SNAP91: variants seen among roughly 807,000 people sequenced by gnomAD.
SNAP91 encodes the protein synaptosome associated protein 91, also known as clathrin coat assembly protein AP180.
A neutral mutation model predicts 100.3 loss-of-function variants in SNAP91; 27 were observed. That is an observed-to-expected ratio of 0.27 (90% CI 0.20 to 0.37). The LOEUF (loss-of-function observed/expected upper bound fraction) is 0.37, where lower values mean the gene tolerates loss of function less well. Ranked by LOEUF, SNAP91 falls within the 10% of genes least tolerant of loss-of-function variation. The probability of loss-of-function intolerance (pLI) is 1.00; values close to 1 mark genes in which losing one functional copy is unlikely to be tolerated. For missense variants in SNAP91, 986 were observed against 1,123.7 expected (o/e 0.88, Z 1.75); for synonymous variants, 404 against 398.6 (o/e 1.01, Z -0.16).
chr6:83,561,864 T>C (rs1412863303), intron 26 of SNAP91, among the ~76,000 whole-genome samples: 1 of 152,080 alleles, frequency 6.6e-6, no homozygotes, highest in East Asian at 1.9e-4. Context: ...AAAATATTTT[T>C]TAGAAGTTAG....
intron 28 of SNAP91, among the ~76,000 whole-genome samples, chr6:83,557,870 C>G (rs1313052089): frequency 6.6e-6 from 1 of 151,538 alleles, no homozygotes; most frequent in East Asian, 1.9e-4. Context: ...GTCCAGGCAT[C>G]AGTAATAAAA....
intron 7 of SNAP91, among the ~76,000 whole-genome samples, chr6:83,642,275 G>GGT (rs1023548340): frequency 5.3e-5 from 8 of 151,910 alleles, no homozygotes; most frequent in African/African-American, 1.9e-4. Flanking sequence ...GTGCCATGTT[G>GGT]GTGTGCTGCA....
chr6:83,580,230 A>G (rs865955334), intron 24 of SNAP91, among the ~76,000 whole-genome samples: 3 of 152,336 alleles, frequency 2.0e-5, no homozygotes, highest in Middle Eastern at 3.4e-3. Flanking sequence ...GACTAAAATG[A>G]CATGGGTATT....
intron 4 of SNAP91, 22 bp downstream of exon 4, chr6:83,662,325 T>G: frequency 8.0e-7 from 1 of 1,251,284 alleles, no homozygotes; most frequent in Non-Finnish European, 1.1e-6. Flanking sequence ...GGCAAAAAAT[T>G]ATAAAATACA....
chr6:83,597,096 T>C (rs540215198), intron 16 of SNAP91, among the ~76,000 whole-genome samples: 2 of 151,250 alleles, frequency 1.3e-5, no homozygotes, highest in South Asian at 4.1e-4. Flanking sequence ...ATTCTTCTCT[T>C]GTTACTTGAA....
chr6:83,677,530 C>T (rs562474580), intron 2 of SNAP91, among the ~76,000 whole-genome samples: 7 of 152,110 alleles, frequency 4.6e-5, no homozygotes, highest in African/African-American at 1.4e-4. Flanking sequence ...AGAAGCTGCC[C>T]GTGTGCCAAA....
rs556977014 is a variant in SNAP91, at chr6:83,641,283, C to T, written c.659-81G>A. The T allele has an allele frequency of 1.8e-3, 1,096 of 595,788 alleles. 4 individuals carry two copies. The highest frequency in any genetic ancestry group is 3.6e-3 in the South Asian group (127 of 35,220). 36.9% of individuals were successfully genotyped at this position (595,788 alleles called of 1,614,324 possible). A position where few individuals can be genotyped will look rare whatever the true frequency, so the allele number is the denominator to read the frequency against. ...CTAAGCTTATGTTAAGATTACTACT[C>T]AAAACTTAATTAATGTTTGAATCAA... is the stretch of plus-strand genomic sequence containing the variant. On this transcript the variant is annotated intron_variant, in intron 7 of 29. Coordinates refer to ENST00000369694, the MANE Select transcript of SNAP91 (RefSeq NM_001242792.2).
rs144819645 is a variant in SNAP91 at position 83,632,575 on chromosome 6, T to C, written c.765+8521A>G. Among the ~76,000 whole-genome samples the C allele has an allele frequency of 1.9e-3, 296 of 152,328 alleles. 1 individual carries two copies. Among genetic ancestry groups the C allele is most frequent in the African/African-American group, 6.1e-3 (255 of 41,582 alleles). On this transcript the variant is annotated intron_variant, in intron 8 of 29. Transcript: ENST00000369694. Reference sequence around the variant, plus strand: ...AAAATCCCAGACTTCCTGGAGGCTTTGTTCGTATTTTCTTATTCTTTTTTC... The same window carrying C: ...AAAATCCCAGACTTCCTGGAGGCTTCGTTCGTATTTTCTTATTCTTTTTTC...
rs1375310225 is a variant in SNAP91 at position 83,576,041 on chromosome 6, G to C, written c.2312C>G (p.Ser771Cys). The change falls in exon 25 of 30, where the codon TCT becomes TGT. Residue 771 changes from serine (S) to cysteine (C), a missense_variant. Coordinates refer to ENST00000369694, the MANE Select transcript of SNAP91 (RefSeq NM_001242792.2). ...LASLVGNLGI[S>C]GTTTKKGDLQ... Reference sequence around the variant, plus strand: ...CACTTACTTTTTTGTTGTGGTACCAGAAATTCCAAGATCTATAAATGGATA... The same window carrying C: ...CACTTACTTTTTTGTTGTGGTACCACAAATTCCAAGATCTATAAATGGATA... The C allele has an allele frequency of 4.3e-6, 6 of 1,402,926 alleles. 1 individual carries two copies. The South Asian group carries it at 7.9e-5, about 18-fold the overall frequency. The allele number at this position is 1,402,926 out of a possible 1,614,324, so 86.9% of individuals were successfully genotyped here. A position where few individuals can be genotyped will look rare whatever the true frequency, so the allele number is the denominator to read the frequency against.
chr6:83,651,955 G>GC (rs2098226228), intron 7 of SNAP91, among the ~76,000 whole-genome samples: 1 of 152,070 alleles, frequency 6.6e-6, no homozygotes, highest in Non-Finnish European at 1.5e-5. Context: ...AAGGACTGTT[G>GC]CATCTGTTTG....
intron 2 of SNAP91, among the ~76,000 whole-genome samples, chr6:83,700,460 T>C (rs1278329514): frequency 6.6e-6 from 1 of 151,998 alleles, no homozygotes; most frequent in Non-Finnish European, 1.5e-5. Flanking sequence ...CATATTTGTG[T>C]GTCAAGTTCT....
chr6:83,553,325 G>A lies in SNAP91; in HGVS notation c.*971C>T, dbSNP rs1226872204. 4 of 152,242 alleles carry A rather than the reference G, an allele frequency of 2.6e-5. No homozygotes were observed. Among genetic ancestry groups the A allele is most frequent in the Non-Finnish European group, 5.9e-5 (4 of 68,012 alleles). The allele number at this position is 152,242 out of a possible 1,614,324, so 9.4% of individuals were successfully genotyped here. The stretch of plus-strand genomic sequence containing the variant: ...AAAACCTACTTTGAGCTCAGTTGAA[G>A]GATGGAAGAACACTAGTCTACAAAA... On this transcript the variant is annotated 3_prime_UTR_variant, in exon 30 of 30. Coordinates refer to ENST00000369694, the MANE Select transcript of SNAP91 (RefSeq NM_001242792.2).
intron 11 of SNAP91, among the ~76,000 whole-genome samples, chr6:83,613,451 G>A (rs1392556631): frequency 6.6e-6 from 1 of 152,194 alleles, no homozygotes; most frequent in Non-Finnish European, 1.5e-5. Flanking sequence ...CGTGACCTCT[G>A]TTTTCTAACC....
intron 2 of SNAP91, among the ~76,000 whole-genome samples, chr6:83,666,796 T>C (rs973240023): frequency 1.3e-5 from 2 of 152,054 alleles, no homozygotes; most frequent in South Asian, 2.1e-4. Flanking sequence ...TATTTTCCTT[T>C]ATTGGACTTT....
chr6:83,592,586 A>C (rs777283362), intron 20 of SNAP91, 48 bp from the exon 21 acceptor site: 1 of 1,462,282 alleles, frequency 6.8e-7, no homozygotes, highest in South Asian at 1.2e-5. Context: ...CCAAGGGAAA[A>C]GAAAACCATG....
chr6:83,581,463 T>C (rs1220048555), intron 23 of SNAP91, among the ~76,000 whole-genome samples: 1 of 152,190 alleles, frequency 6.6e-6, no homozygotes, highest in Admixed American at 6.5e-5. Flanking sequence ...TGCAGACACA[T>C]AGCATTTGCA....
chr6:83,611,311 T>C, intron 11 of SNAP91: 1 of 325,474 alleles, frequency 3.1e-6, no homozygotes. Context: ...GCAACTTCGA[T>C]GCTTTTTTCT....
At chr6:83,580,387 GAAACA>G in intron 24 of SNAP91, 58 bp downstream of exon 24, 2 of 1,474,154 alleles carry the variant, frequency 1.4e-6, no homozygotes, top group Admixed American at 4.1e-5. Context: ...GAGAGAGAGA[GAAACA>G]AAAAACAATT....
chr6:83,682,822 T>C (rs1268090048), intron 2 of SNAP91, among the ~76,000 whole-genome samples: 1 of 146,316 alleles, frequency 6.8e-6, no homozygotes, highest in East Asian at 2.1e-4. Context: ...TAAATTAGCC[T>C]TTTTTTTTGA....
Sources: gnomAD v4.1 joint callset for allele counts (sites outside exome capture counted in the v4.1 genomes callset) on GRCh38, gnomAD v4.1.1 for gene constraint, MANE v1.5 for transcripts, NCBI Gene and HGNC (gene_info 2026-07-23, HGNC 2026-07-21) for gene names.